The following ETNK1 variants were observed in gnomAD, a reference collection of about 807,000 sequenced individuals.
ETNK1 encodes the protein putative protein product of Nbla10396.
A neutral mutation model predicts 45.1 loss-of-function variants in ETNK1; 8 were observed. The observed-to-expected ratio is 0.18, with a 90% CI of 0.10 to 0.32. ETNK1 has a LOEUF of 0.32. Among genes scored for constraint, ETNK1 ranks in the 10% least tolerant of loss-of-function variants. The pLI is 1.00. For missense variants in ETNK1, 302 were observed against 430.6 expected, an observed-to-expected ratio of 0.70 and a Z score of 2.64; for synonymous variants, 152 against 151.9, an observed-to-expected ratio of 1.00 and a Z score of -0.01.
At chr12:22,653,729 A>G (rs558374548) in intron 2 of ETNK1, among the ~76,000 whole-genome samples, 35 of 152,270 alleles carry the variant, frequency 2.3e-4, no homozygotes, top group African/African-American at 7.2e-4. Context: ...TTTGATTTTT[A>G]GTAAAAACTG....
intron 6 of ETNK1, among the ~76,000 whole-genome samples, chr12:22,677,318 G>T (rs1954171772): frequency 1.3e-5 from 2 of 152,148 alleles, no homozygotes; most frequent in Admixed American, 6.5e-5. Flanking sequence ...TCAGATGGTT[G>T]TAGATGTGTG....
In ETNK1 at chr12:22,687,922, G is replaced by T. The variant is rs543809363; in HGVS notation, c.*2968G>T. ...CAGGAACTGGAAATAGGGTTTGTCGGCTTTGGTTAATGTCAGTACTCATTT... is the reference window on the plus strand; with the variant it reads ...CAGGAACTGGAAATAGGGTTTGTCGTCTTTGGTTAATGTCAGTACTCATTT... On this transcript the variant is annotated 3_prime_UTR_variant, in exon 8 of 8. Transcript: ENST00000266517. 16 of 152,270 alleles carry T rather than the reference G, an allele frequency of 1.1e-4. 1 individual carries two copies. Among genetic ancestry groups the T allele is most frequent in the African/African-American group, 3.9e-4 (16 of 41,512 alleles). The allele number at this position is 152,270 out of a possible 1,614,324, so 9.4% of individuals were successfully genotyped here.
rs963188369 is a variant in ETNK1, at chr12:22,687,067, TAGGGAAGTGAATGTAACCAGGAATA to T, written c.*2115_*2139del. 4.0e-5 allele frequency: 6 copies of T among 151,670 alleles called. No individual in the cohort carries two copies. The highest frequency in any genetic ancestry group is 2.0e-4 in the Admixed American group (3 of 15,220). 9.4% of individuals were successfully genotyped at this position (151,670 alleles called of 1,614,324 possible). A position where few individuals can be genotyped will look rare whatever the true frequency, so the allele number is the denominator to read the frequency against. The stretch of plus-strand genomic sequence containing the variant: ...ATTGTAGGTTTTTTGGAGAGATTCA[TAGGGAAGTGAATGTAACCAGGAATA>T]AAGGCTCTCACTTTAGCTCTGGGAC... On this transcript the variant is annotated 3_prime_UTR_variant, in exon 8 of 8. Transcript: ENST00000266517.
At chr12:22,648,398 G>A (rs746797096) in intron 2 of ETNK1, among the ~76,000 whole-genome samples, 2 of 151,774 alleles carry the variant, frequency 1.3e-5, no homozygotes, top group African/African-American at 2.4e-5. Flanking sequence ...TTAACCAGTG[G>A]CAACCACTGA....
At chr12:22,670,664 C>T (rs1954098909) in intron 4 of ETNK1, among the ~76,000 whole-genome samples, 1 of 152,132 alleles carries the variant, frequency 6.6e-6, no homozygotes, top group South Asian at 2.1e-4. Flanking sequence ...CACCTTATTG[C>T]ACCGTAATGC....
chr12:22,688,188 T>G lies in ETNK1; in HGVS notation c.*3234T>G, dbSNP rs1954276042. Reference sequence around the variant, plus strand: ...GAAATTTTAGATATCCCAATGTGAATCTAATTTCCATATATACAGAAATTA... The same window carrying G: ...GAAATTTTAGATATCCCAATGTGAAGCTAATTTCCATATATACAGAAATTA... On this transcript the variant is annotated 3_prime_UTR_variant, in exon 8 of 8. Coordinates refer to ENST00000266517, the MANE Select transcript of ETNK1 (RefSeq NM_018638.5). 1 of 151,806 alleles carries G rather than the reference T, an allele frequency of 6.6e-6. No individual in the cohort carries two copies. Among genetic ancestry groups the G allele is most frequent in the Non-Finnish European group, 1.5e-5 (1 of 67,740 alleles). 9.4% of individuals were successfully genotyped at this position (151,806 alleles called of 1,614,324 possible). A position where few individuals can be genotyped will look rare whatever the true frequency, so the allele number is the denominator to read the frequency against.
At chr12:22,681,752 T>G (rs1954217691) in intron 6 of ETNK1, among the ~76,000 whole-genome samples, 1 of 152,066 alleles carries the variant, frequency 6.6e-6, no homozygotes, top group African/African-American at 2.4e-5. Context: ...TTCTGCAAAT[T>G]TCTTTAATGT....
chr12:22,671,217 A>AT, intron 4 of ETNK1, 55 bp from the exon 5 acceptor site: 1 of 1,224,662 alleles, frequency 8.2e-7, no homozygotes, highest in South Asian at 1.2e-5. Context: ...TAGCATAGGG[A>AT]TTTTCTGATC....
chr12:22,660,152 T>C (rs1243923934), intron 3 of ETNK1, among the ~76,000 whole-genome samples: 1 of 150,356 alleles, frequency 6.7e-6, no homozygotes, highest in African/African-American at 2.4e-5. Context: ...GTGGAGAAAA[T>C]ATAGGTAGAA....
At chr12:22,640,122 T>C (rs1953715836) in intron 1 of ETNK1, among the ~76,000 whole-genome samples, 1 of 152,190 alleles carries the variant, frequency 6.6e-6, no homozygotes, top group Non-Finnish European at 1.5e-5. Flanking sequence ...ATTGTATTTT[T>C]AACCAATATA....
At chr12:22,642,927 CCT>C (rs1424661329) in intron 1 of ETNK1, among the ~76,000 whole-genome samples, 2 of 152,020 alleles carry the variant, frequency 1.3e-5, no homozygotes, top group East Asian at 3.9e-4. Flanking sequence ...TTGCTAATTA[CCT>C]GTTTCCTTTT....
At chr12:22,631,724 G>A (rs902830527) in intron 1 of ETNK1, among the ~76,000 whole-genome samples, 2 of 152,160 alleles carry the variant, frequency 1.3e-5, no homozygotes, top group Non-Finnish European at 2.9e-5. Context: ...TTGATTACAG[G>A]TTAGGGAAGA....
chr12:22,649,675 A>G (rs1299038093), intron 2 of ETNK1, among the ~76,000 whole-genome samples: 6 of 152,072 alleles, frequency 3.9e-5, no homozygotes, highest in Admixed American at 6.6e-5. Flanking sequence ...TTGTCTTTCA[A>G]TATTGTGTTG....
intron 2 of ETNK1, among the ~76,000 whole-genome samples, chr12:22,653,803 T>A (rs1953907861): frequency 6.6e-6 from 1 of 152,186 alleles, no homozygotes; most frequent in South Asian, 2.1e-4. Flanking sequence ...TTATAAAAAA[T>A]TTTAGATGAG....
chr12:22,625,404 G>A lies in ETNK1; in HGVS notation c.-27G>A. 1 of 1,568,894 alleles carries A rather than the reference G, an allele frequency of 6.4e-7. No homozygotes were observed. The highest frequency in any genetic ancestry group is 8.6e-7 in the Non-Finnish European group (1 of 1,160,096). On this transcript the variant is annotated 5_prime_UTR_variant, in exon 1 of 8. The change creates a new upstream start codon in the 5' untranslated region. Coordinates refer to ENST00000266517, the MANE Select transcript of ETNK1 (RefSeq NM_018638.5). ...CGTGGTCGCCGTCGCCGTCGTCGTG[G>A]TGGTAGTCTCCGCCGTCGCCTGGGC...
In ETNK1 at chr12:22,689,844, A is replaced by G. The variant is rs16925301; in HGVS notation, c.*4890A>G. On this transcript the variant is annotated 3_prime_UTR_variant, in exon 8 of 8. Coordinates refer to ENST00000266517, the MANE Select transcript of ETNK1 (RefSeq NM_018638.5). ...GTCCAATAATCTGAAGTAGTTTCCT[A>G]TATTTATCTGTACTAAATTGACTAT... The G allele has an allele frequency of 0.084, 12,826 of 152,014 alleles. 603 individuals are homozygous for G. The highest frequency in any genetic ancestry group is 0.14 in the South Asian group (675 of 4,828). The allele number at this position is 152,014 out of a possible 1,614,324, so 9.4% of individuals were successfully genotyped here. A position where few individuals can be genotyped will look rare whatever the true frequency, so the allele number is the denominator to read the frequency against.
chr12:22,656,364 CTT>C (rs1367251430), intron 2 of ETNK1: 1 of 977,458 alleles, frequency 1.0e-6, no homozygotes, highest in African/African-American at 1.8e-5. Context: ...AGTTGTCTGA[CTT>C]TATCCGTGTG....
At chr12:22,680,905 T>G (rs187754621) in intron 6 of ETNK1, among the ~76,000 whole-genome samples, 5 of 32,968 alleles carry the variant, frequency 1.5e-4, no homozygotes, top group Non-Finnish European at 3.4e-4. Context: ...CGCCCCCCCC[T>G]CCATTATATG....
intron 2 of ETNK1, among the ~76,000 whole-genome samples, chr12:22,653,177 GT>G (rs888366446): frequency 2.6e-5 from 4 of 151,982 alleles, no homozygotes; most frequent in African/African-American, 9.7e-5. Context: ...ATAATTGTGG[GT>G]TTGTTTTTGG....
Sources: allele counts gnomAD v4.1 joint callset (sites outside exome capture counted in the v4.1 genomes callset), GRCh38; gene constraint gnomAD v4.1.1; transcripts MANE v1.5; gene names NCBI Gene and HGNC (gene_info 2026-07-23, HGNC 2026-07-21).